CDKL3: variants seen among roughly 807,000 people sequenced by gnomAD.
CDKL3 encodes cyclin-dependent kinase-like 3.
Under a neutral mutation model 69.3 loss-of-function variants are expected in CDKL3, and 65 were observed. That is an observed-to-expected ratio of 0.94 (90% CI 0.77 to 1.15). The LOEUF (loss-of-function observed/expected upper bound fraction) is 1.15, where lower values mean the gene tolerates loss of function less well. CDKL3 is among the 50% of genes most tolerant of loss of function. The pLI is 0.00. For missense variants in CDKL3, 652 were observed against 689.2 expected (o/e 0.95, Z 0.61); for synonymous variants, 202 against 221.6 (o/e 0.91, Z 0.79).
At chr5:134,284,798 G>A (rs144893515), downstream of CDKL3, among the ~76,000 whole-genome samples, 1,504 of 152,304 alleles carry the variant, frequency 9.9e-3, 14 homozygotes, top group African/African-American at 0.032. Flanking sequence ...ATATGACTCT[G>A]TTCTGCCTGG....
intron 11 of CDKL3, among the ~76,000 whole-genome samples, chr5:134,303,673 C>CCA (rs935566791): frequency 6.6e-6 from 1 of 151,096 alleles, no homozygotes; most frequent in African/African-American, 2.4e-5. Context: ...GTGGAACCCC[C>CCA]CCCCCGTCTC....
chr5:134,288,927 A>G (rs758295703), intron 8 of CDKL3, among the ~76,000 whole-genome samples: 9 of 151,948 alleles, frequency 5.9e-5, no homozygotes, highest in Non-Finnish European at 1.2e-4. Flanking sequence ...ATAAAAATGG[A>G]ATGTTTGTTC....
chr5:134,303,676 C>G lies in CDKL3; in HGVS notation c.1621+729G>C, dbSNP rs563432208. Among the ~76,000 whole-genome samples, 1,000 of 151,396 alleles carry G rather than the reference C, an allele frequency of 6.6e-3. 10 individuals carry two copies. Among genetic ancestry groups the G allele is most frequent in the African/African-American group, 0.022 (904 of 41,334 alleles). On this transcript the variant is annotated intron_variant, in intron 11 of 12. Transcript: ENST00000265334. ...CTGTCCAAAATGGTGGAACCCCCCC[C>G]CCGTCTCTACTAAAAATACAAAAAT...
At chr5:134,352,300 GA>G (rs1170352972) in intron 3 of CDKL3, among the ~76,000 whole-genome samples, 1 of 144,030 alleles carries the variant, frequency 6.9e-6, no homozygotes, top group Non-Finnish European at 1.5e-5. Context: ...CACTTAGGTT[GA>G]TTTTTTTTTT....
chr5:134,321,414 T>A (rs1271748595), intron 5 of CDKL3, among the ~76,000 whole-genome samples: 1 of 152,170 alleles, frequency 6.6e-6, no homozygotes, highest in Non-Finnish European at 1.5e-5. Flanking sequence ...TACTTTTCTA[T>A]TTCCAAGTGC....
chr5:134,304,310 T>C (rs1767160744), intron 11 of CDKL3, 95 bp downstream of exon 11: 1 of 997,818 alleles, frequency 1.0e-6, no homozygotes, highest in South Asian at 2.0e-5. Context: ...TTTACTATTT[T>C]CTACCTAAAT....
rs942722402 is a variant in CDKL3, at chr5:134,366,368, CTTTA to C, written c.152_155del (p.Ile51SerfsTer3). 6.4e-7 allele frequency: 1 copy of C among 1,565,352 alleles called. No individual in the cohort carries two copies. The highest frequency in any genetic ancestry group is 1.4e-5 in the African/African-American group (1 of 72,888). On this transcript the variant is annotated frameshift_variant, in exon 2 of 13. Coordinates refer to ENST00000265334, the MANE Select transcript of CDKL3 (RefSeq NM_001113575.2). LOFTEE classifies it high-confidence loss of function. ...GGCAAAAGAAGCAAACCTTTAGAAA[CTTTA>C]TTTCTCTCATCGCAATTTTGTTGAC...
chr5:134,351,137 T>G lies in CDKL3; in HGVS notation c.361-710A>C, dbSNP rs985217895. Among the ~76,000 whole-genome samples, 4 of 152,196 alleles carry G rather than the reference T, an allele frequency of 2.6e-5. 1 individual carries two copies. The highest frequency in any genetic ancestry group is 5.9e-5 in the Non-Finnish European group (4 of 68,032). ...TACTTGATTTCATAGCATAAAAAAA[T>G]GCCAACTATTCCTACATTCCTGGTT... On this transcript the variant is annotated intron_variant, in intron 3 of 12. Coordinates refer to ENST00000265334, the MANE Select transcript of CDKL3 (RefSeq NM_001113575.2).
At chr5:134,332,919 T>C (rs1488047843) in intron 4 of CDKL3, among the ~76,000 whole-genome samples, 1 of 152,242 alleles carries the variant, frequency 6.6e-6, no homozygotes, top group Non-Finnish European at 1.5e-5. Context: ...ATTCTTCCTG[T>C]CCATGGGCAT....
intron 10 of CDKL3, among the ~76,000 whole-genome samples, chr5:134,305,946 C>T (rs1053906020): frequency 2.0e-5 from 3 of 151,930 alleles, no homozygotes; most frequent in East Asian, 1.9e-4. Context: ...GTTTATTTGG[C>T]AATTGTTTTT....
chr5:134,301,257 C>T (rs889271048), intron 12 of CDKL3, among the ~76,000 whole-genome samples: 10 of 152,288 alleles, frequency 6.6e-5, no homozygotes, highest in African/African-American at 2.2e-4. Context: ...TTCAGCCTCC[C>T]AAAGTGCTGG....
intron 4 of CDKL3, among the ~76,000 whole-genome samples, chr5:134,324,931 G>C (rs1773752132): frequency 6.6e-6 from 1 of 152,198 alleles, no homozygotes. Context: ...TGTGGAGTAG[G>C]GTGGAGGGGA....
At chr5:134,297,942 G>C (rs192201367), downstream of CDKL3, among the ~76,000 whole-genome samples, 9 of 119,138 alleles carry the variant, frequency 7.6e-5, no homozygotes, top group East Asian at 2.0e-3. Flanking sequence ...GTGTGTGTGT[G>C]TGTGTTTTGA....
At chr5:134,369,008 CAG>C (rs1378470259), upstream of CDKL3, among the ~76,000 whole-genome samples, 2 of 152,156 alleles carry the variant, frequency 1.3e-5, no homozygotes, top group Non-Finnish European at 2.9e-5. Context: ...ACCTGGGTGA[CAG>C]AGCAAAACTC....
intron 4 of CDKL3, among the ~76,000 whole-genome samples, chr5:134,349,800 G>A (rs954617470): frequency 2.0e-5 from 3 of 152,090 alleles, no homozygotes; most frequent in African/African-American, 7.2e-5. Flanking sequence ...ACCTTTAAAG[G>A]TGTCCCTCTT....
intron 4 of CDKL3, among the ~76,000 whole-genome samples, chr5:134,334,994 G>T (rs184582200): frequency 1.3e-5 from 2 of 152,032 alleles, no homozygotes; most frequent in South Asian, 4.1e-4. Flanking sequence ...AATCTGGGTG[G>T]TTCTGTGTTG....
chr5:134,331,510 G>A (rs1775808209), intron 4 of CDKL3, among the ~76,000 whole-genome samples: 1 of 151,944 alleles, frequency 6.6e-6, no homozygotes, highest in African/African-American at 2.4e-5. Flanking sequence ...CTGTGTCCAT[G>A]TGTTCTCATT....
intron 6 of CDKL3, among the ~76,000 whole-genome samples, chr5:134,312,850 C>A (rs1223839326): frequency 1.3e-5 from 2 of 152,182 alleles, no homozygotes; most frequent in Non-Finnish European, 2.9e-5. Context: ...CTAAATCTTT[C>A]AATAACCCAT....
intron 6 of CDKL3, among the ~76,000 whole-genome samples, chr5:134,313,666 A>G (rs1181876296): frequency 6.6e-6 from 1 of 152,208 alleles, no homozygotes; most frequent in African/African-American, 2.4e-5. Flanking sequence ...GATCTGCTGT[A>G]CTATAATGTG....
Sources: allele counts gnomAD v4.1 joint callset (sites outside exome capture counted in the v4.1 genomes callset), GRCh38; gene constraint gnomAD v4.1.1; transcripts MANE v1.5; gene names NCBI Gene and HGNC (gene_info 2026-07-23, HGNC 2026-07-21).